Variants in THBS4 observed in about 807,000 individuals in gnomAD.
THBS4 encodes thrombospondin 4, also known as thrombospondin-4.
A neutral mutation model predicts 115.7 loss-of-function variants in THBS4; 90 were observed. That is an observed-to-expected ratio of 0.78 (90% CI 0.66 to 0.93). THBS4 has a LOEUF of 0.93. THBS4 is among the 40% of genes least tolerant of loss of function. The pLI, the probability that THBS4 is intolerant of heterozygous loss-of-function variation, is 0.00. For synonymous variants in THBS4, 460 were observed against 479.3 expected (o/e 0.96, Z 0.53); for missense variants, 1,087 against 1,232.7 (o/e 0.88, Z 1.77).
intron 2 of THBS4, among the ~76,000 whole-genome samples, chr5:80,054,175 G>A: frequency 1.3e-5 from 1 of 77,322 alleles, no homozygotes; most frequent in East Asian, 3.8e-4. Flanking sequence ...TTTTTTTTTT[G>A]AGACAGGATC....
In THBS4 at chr5:80,073,295, G is replaced by A. The variant is rs368066188; in HGVS notation, c.1860G>A (p.Leu620=). 1.2e-6 allele frequency: 2 copies of A among 1,613,848 alleles called. No individual in the cohort carries two copies. Among genetic ancestry groups the A allele is most frequent in the Non-Finnish European group, 1.7e-6 (2 of 1,179,998 alleles). ...NPNQSDVDND[L]VGDSCDTNQD... is the part of the protein sequence containing the mutation. ...TGCAGTCTGATGTGGATAATGATCT[G>A]GTTGGGGACTCCTGTGACACCAATC... The change falls in exon 15 of 22, where the codon CTG becomes CTA. Residue 620 remains leucine, a synonymous_variant. Transcript: ENST00000350881.
At chr5:80,009,875 G>A (rs1486910779) in intron 2 of THBS4, among the ~76,000 whole-genome samples, 1 of 152,154 alleles carries the variant, frequency 6.6e-6, no homozygotes, top group African/African-American at 2.4e-5. Context: ...GCTCAAGCCT[G>A]TAATCCCAGC....
chr5:80,032,875 C>T (rs1832612445), upstream of THBS4, among the ~76,000 whole-genome samples: 1 of 152,138 alleles, frequency 6.6e-6, no homozygotes, highest in African/African-American at 2.4e-5. Flanking sequence ...CACACAGGAG[C>T]CATACTTTAC....
chr5:80,070,676 G>C lies in THBS4; in HGVS notation c.1486G>C (p.Glu496Gln), dbSNP rs1834009503. 6.2e-7 allele frequency: 1 copy of C among 1,614,084 alleles called. No individual in the cohort carries two copies. Among genetic ancestry groups the C allele is most frequent in the Non-Finnish European group, 8.5e-7 (1 of 1,180,050 alleles). The change falls in exon 12 of 22, where the codon GAA (glutamate) becomes CAA (glutamine). Residue 496 changes from glutamate (E) to glutamine (Q), a missense_variant. Glu to Gln is a conservative substitution (Grantham distance 29, BLOSUM62 2). Transcript: ENST00000350881. ...CAAATATGTGCCAAATTCTGGCCAA[G>C]AAGATGCAGACAGAGATGGCATTGG... ...NCKYVPNSGQ[E>Q]DADRDGIGDA...
At chr5:80,066,926 G>T (rs577371701) in intron 9 of THBS4, 1 of 152,324 alleles carries the variant, frequency 6.6e-6, no homozygotes, top group African/African-American at 2.4e-5. Flanking sequence ...AGCCAGGGAG[G>T]CTGAAAGATC....
intron 3 of THBS4, among the ~76,000 whole-genome samples, chr5:80,057,115 A>C (rs905303103): frequency 2.0e-5 from 3 of 152,198 alleles, no homozygotes; most frequent in African/African-American, 7.2e-5. Context: ...ATATGGAAAA[A>C]AATTAATAGA....
At chr5:80,048,632 A>ATGTGTGTGTGTGTGTGTGTGTGTGTG (rs56183875) in intron 2 of THBS4, among the ~76,000 whole-genome samples, 1 of 147,274 alleles carries the variant, frequency 6.8e-6, no homozygotes, top group African/African-American at 2.5e-5. Context: ...CACTAGATAG[A>ATGTGTGTGTGTGTGTGTGTGTGTGTG]TGTGTGTGTG....
At chr5:80,020,522 G>A (rs530592435) in intron 2 of THBS4, among the ~76,000 whole-genome samples, 99 of 152,202 alleles carry the variant, frequency 6.5e-4, no homozygotes, top group African/African-American at 2.4e-3. Flanking sequence ...TGAAATGTGT[G>A]TCCATTAGAG....
At chr5:80,082,634 A>C in intron 21 of THBS4, 89 bp downstream of exon 21, 2 of 1,511,876 alleles carry the variant, frequency 1.3e-6, no homozygotes, top group African/African-American at 1.4e-5. Flanking sequence ...TCCCCCCCAA[A>C]AGCCCAACGC....
intron 2 of THBS4, among the ~76,000 whole-genome samples, chr5:80,045,483 G>C (rs1369091326): frequency 6.6e-6 from 1 of 151,180 alleles, no homozygotes; most frequent in Non-Finnish European, 1.5e-5. Flanking sequence ...ACAATAATAA[G>C]TGGAAAAAAT....
Position 80,015,128 on chromosome 5 carries a change from C to T in THBS4, n.177+16701C>T, listed in dbSNP as rs532132065. On this transcript the variant is annotated intron_variant and non_coding_transcript_variant, in intron 2 of 3. Coordinates refer to the THBS4 transcript ENST00000510218. Reference sequence around the variant, plus strand: ...TAACATTCAGTACTCAACCTTAGAACATTTTCCAAATTTAGATGAGAAGAG... The same window carrying T: ...TAACATTCAGTACTCAACCTTAGAATATTTTCCAAATTTAGATGAGAAGAG... Among the ~76,000 whole-genome samples the T allele has an allele frequency of 3.9e-5, 6 of 152,320 alleles. No individual in the cohort carries two copies. The South Asian group carries it at 6.2e-4, about 16-fold the overall frequency.
At chr5:80,015,161 A>G (rs1190016301) in intron 2 of THBS4, among the ~76,000 whole-genome samples, 1 of 152,282 alleles carries the variant, frequency 6.6e-6, no homozygotes, top group East Asian at 1.9e-4. Context: ...GAGATGAAGC[A>G]AGGAAAAAAG....
At chr5:80,065,819 T>C (rs1833799606) in intron 9 of THBS4, among the ~76,000 whole-genome samples, 1 of 152,202 alleles carries the variant, frequency 6.6e-6, no homozygotes, top group South Asian at 2.1e-4. Flanking sequence ...AGTATTTTAC[T>C]GGTGACTACA....
intron 2 of THBS4, among the ~76,000 whole-genome samples, chr5:79,999,204 G>T (rs1329620560): frequency 6.6e-6 from 1 of 152,112 alleles, no homozygotes; most frequent in Non-Finnish European, 1.5e-5. Context: ...AGTTCTTACA[G>T]CCATATTACT....
At chr5:80,049,018 A>G (rs943571061) in intron 2 of THBS4, among the ~76,000 whole-genome samples, 3 of 152,198 alleles carry the variant, frequency 2.0e-5, no homozygotes, top group Non-Finnish European at 4.4e-5. Context: ...AAAGAGCTCC[A>G]GACTACCTTT....
chr5:80,001,701 G>A (rs1203318968), intron 2 of THBS4, among the ~76,000 whole-genome samples: 1 of 152,152 alleles, frequency 6.6e-6, no homozygotes, highest in African/African-American at 2.4e-5. Flanking sequence ...TGTGGTCTGA[G>A]AACTACGTAT....
intron 2 of THBS4, among the ~76,000 whole-genome samples, chr5:80,006,451 C>G (rs1832021635): frequency 6.6e-6 from 1 of 152,176 alleles, no homozygotes; most frequent in Non-Finnish European, 1.5e-5. Flanking sequence ...TTTTTGCCTT[C>G]TGCCATGATT....
chr5:80,005,948 G>C (rs926585985), intron 2 of THBS4, among the ~76,000 whole-genome samples: 1 of 151,780 alleles, frequency 6.6e-6, no homozygotes, highest in African/African-American at 2.4e-5. Context: ...TGTATCTTTA[G>C]TAGACATGGG....
In THBS4 at chr5:80,080,056, G is replaced by A. The variant is rs556449576; in HGVS notation, c.2663G>A (p.Arg888Lys). 4.1e-5 allele frequency: 66 copies of A among 1,613,962 alleles called. 1 individual carries two copies. In the South Asian group the frequency reaches 7.1e-4, roughly 17 times the overall value. The part of the protein sequence containing the change: ...KVSYRWFLQH[R>K]PQVGYIRVRF... The stretch of plus-strand genomic sequence containing the variant: ...TCCTACCGCTGGTTCCTACAGCACA[G>A]GCCCCAGGTGGGCTACATCAGGTAG... Residue 888 changes from arginine (R) to lysine (K), a missense_variant, in exon 20 of 22, where the codon AGG becomes AAG. Transcript: ENST00000350881.
Sources: gnomAD v4.1 joint callset for allele counts (sites outside exome capture counted in the v4.1 genomes callset) on GRCh38, gnomAD v4.1.1 for gene constraint, MANE v1.5 for transcripts, NCBI Gene and HGNC (gene_info 2026-07-23, HGNC 2026-07-21) for gene names.